The following WWOX variants were observed in gnomAD, a reference collection of about 807,000 sequenced individuals.
The protein encoded by WWOX is WW domain containing oxidoreductase, also known as WW domain-containing oxidoreductase.
Under a neutral mutation model 46.2 loss-of-function variants are expected in WWOX, and 69 were observed. The observed-to-expected ratio is 1.49, with a 90% confidence interval of 1.23 to 1.82. The LOEUF (loss-of-function observed/expected upper bound fraction) is 1.82. Among genes scored for constraint, WWOX ranks in the 40% most tolerant of loss-of-function variants. WWOX has a pLI of 0.00. For missense variants in WWOX, 919 were observed against 542.6 expected (o/e 1.69, Z -6.89); for synonymous variants, 359 against 202.6 (o/e 1.77, Z -6.56).
chr16:78,112,123 G>A (rs532059951), intron 3 of WWOX: 5 of 152,312 alleles, frequency 3.3e-5, no homozygotes, highest in Admixed American at 3.3e-4. Flanking sequence ...TGCACACGGG[G>A]AGAACACCCG....
At chr16:78,224,049 GC>G (rs1431340680) in intron 5 of WWOX, among the ~76,000 whole-genome samples, 1 of 152,106 alleles carries the variant, frequency 6.6e-6, no homozygotes, top group African/African-American at 2.4e-5. Flanking sequence ...TGTTGCCCAG[GC>G]AGGAATGCAG....
intron 8 of WWOX, among the ~76,000 whole-genome samples, chr16:78,501,984 G>A (rs575636784): frequency 6.6e-6 from 1 of 152,094 alleles, no homozygotes; most frequent in Non-Finnish European, 1.5e-5. Context: ...GTTTCTGGGG[G>A]CATGGACCTG....
intron 8 of WWOX, among the ~76,000 whole-genome samples, chr16:79,131,030 A>G (rs895076442): frequency 1.9e-4 from 29 of 152,324 alleles, no homozygotes; most frequent in African/African-American, 6.5e-4. Context: ...TTATATCACA[A>G]CCAGAACACA....
chr16:78,855,468 A>C (rs1047469216), intron 8 of WWOX, among the ~76,000 whole-genome samples: 1 of 152,168 alleles, frequency 6.6e-6, no homozygotes, highest in South Asian at 2.1e-4. Context: ...ATCTTTTGCT[A>C]TGTTCACTTT....
Position 78,563,347 on chromosome 16 carries a change from T to G in WWOX, c.1056+130595T>G, listed in dbSNP as rs541132345. ...TTCTTTTCAATACTCTGAATATCAC[T>G]GGAGCAGCTGCAGATTCAGGGCAGT... On this transcript the variant is annotated intron_variant, in intron 8 of 8. Transcript: ENST00000566780. Among the ~76,000 whole-genome samples, 12 of 152,180 alleles carry G rather than the reference T, an allele frequency of 7.9e-5. No individual in the cohort carries two copies. The South Asian group carries it at 2.5e-3, about 32-fold the overall frequency.
chr16:79,116,564 C>G (rs910428695), intron 8 of WWOX, among the ~76,000 whole-genome samples: 1 of 152,124 alleles, frequency 6.6e-6, no homozygotes, highest in African/African-American at 2.4e-5. Flanking sequence ...TTCAAGTTTT[C>G]TCATGAGATT....
chr16:78,148,623 C>T (rs1045070645), intron 4 of WWOX, among the ~76,000 whole-genome samples: 3 of 151,700 alleles, frequency 2.0e-5, no homozygotes, highest in African/African-American at 7.3e-5. Context: ...GTTGGCTGGG[C>T]AGAGTGGCTC....
intron 4 of WWOX, among the ~76,000 whole-genome samples, chr16:78,152,115 G>T (rs1019322563): frequency 3.9e-5 from 6 of 152,008 alleles, no homozygotes; most frequent in African/African-American, 1.4e-4. Context: ...GCGTGAACCC[G>T]GGAGGCGGAG....
chr16:79,151,883 C>G (rs886888661), intron 8 of WWOX, among the ~76,000 whole-genome samples: 3 of 152,078 alleles, frequency 2.0e-5, no homozygotes, highest in African/African-American at 4.8e-5. Context: ...GGGGACTTGC[C>G]TTTGTTTATC....
chr16:78,597,620 A>G (rs1156905467), intron 8 of WWOX, among the ~76,000 whole-genome samples: 1 of 152,070 alleles, frequency 6.6e-6, no homozygotes, highest in East Asian at 1.9e-4. Flanking sequence ...TAAGTTTAAA[A>G]TTGTTTTTTT....
intron 5 of WWOX, among the ~76,000 whole-genome samples, chr16:78,268,094 C>T (rs922492609): frequency 3.5e-4 from 54 of 152,372 alleles, no homozygotes; most frequent in African/African-American, 1.3e-3. Context: ...GCTAGGATTA[C>T]AGGCGTGAGC....
intron 8 of WWOX, among the ~76,000 whole-genome samples, chr16:78,942,793 G>A (rs1405384382): frequency 2.0e-5 from 3 of 152,142 alleles, no homozygotes; most frequent in African/African-American, 7.2e-5. Context: ...TGAGAAATCC[G>A]TTCATGCACT....
At chr16:78,126,435 A>G (rs1372919262) in intron 4 of WWOX, among the ~76,000 whole-genome samples, 1 of 152,168 alleles carries the variant, frequency 6.6e-6, no homozygotes, top group Admixed American at 6.5e-5. Flanking sequence ...CCTATCTCTG[A>G]TGATTAGCAA....
At chr16:78,718,311 A>G (rs1319854447) in intron 8 of WWOX, among the ~76,000 whole-genome samples, 1 of 152,090 alleles carries the variant, frequency 6.6e-6, no homozygotes, top group Admixed American at 6.6e-5. Flanking sequence ...CTCACTGGAT[A>G]CCATCATAAA....
intron 8 of WWOX, chr16:79,016,845 A>T (rs191269446): frequency 6.6e-6 from 1 of 152,286 alleles, no homozygotes; most frequent in Admixed American, 6.5e-5. Context: ...ACGTCGTGTT[A>T]ACTGAGTTTC....
rs1567626045 is a variant in WWOX, at chr16:79,212,074, C to G, written c.*278C>G. On this transcript the variant is annotated 3_prime_UTR_variant, in exon 9 of 9. Transcript: ENST00000566780. ...TAAAAACCTGCTTGGTGTGTAGGTT[C>G]CGTATCTCCCTGGAGAAGCACCAGC... 6.5e-7 allele frequency: 1 copy of G among 1,536,372 alleles called. No individual in the cohort carries two copies. Among genetic ancestry groups the G allele is most frequent in the South Asian group, 1.2e-5 (1 of 84,048 alleles).
At chr16:78,354,327 G>A (rs200375217) in intron 5 of WWOX, among the ~76,000 whole-genome samples, 1 of 22,504 alleles carries the variant, frequency 4.4e-5, no homozygotes, top group African/African-American at 2.0e-4. Context: ...TTTTTTTTTT[G>A]GTCAGGTGTG....
chr16:78,877,760 G>C (rs950179966), intron 8 of WWOX, among the ~76,000 whole-genome samples: 2 of 152,160 alleles, frequency 1.3e-5, no homozygotes, highest in African/African-American at 4.8e-5. Flanking sequence ...GCACGTGGAA[G>C]ACAATATTTA....
intron 8 of WWOX, among the ~76,000 whole-genome samples, chr16:78,600,403 C>G (rs926321432): frequency 1.1e-4 from 16 of 152,154 alleles, no homozygotes; most frequent in African/African-American, 3.9e-4. Context: ...CCATTTGTTA[C>G]TGGGTTGTTT....
Sources: allele counts gnomAD v4.1 joint callset (sites outside exome capture counted in the v4.1 genomes callset), GRCh38; gene constraint gnomAD v4.1.1; transcripts MANE v1.5; gene names NCBI Gene and HGNC (gene_info 2026-07-23, HGNC 2026-07-21).